Variants in MATN2 observed in about 807,000 individuals in gnomAD.
The protein encoded by MATN2 is matrilin-2.
A neutral mutation model predicts 103.2 loss-of-function variants in MATN2; 69 were observed. The ratio of observed to expected loss-of-function variants is 0.67; its 90% CI spans 0.55 to 0.82. The LOEUF (loss-of-function observed/expected upper bound fraction) is 0.82, where lower values mean the gene tolerates loss of function less well. MATN2 is among the 40% of genes least tolerant of loss of function. The pLI, the probability that MATN2 is intolerant of heterozygous loss-of-function variation, is 0.00. For synonymous variants in MATN2, 429 were observed against 450.2 expected, an observed-to-expected ratio of 0.95 and a Z score of 0.60; for missense variants, 1,023 against 1,211.5, an observed-to-expected ratio of 0.84 and a Z score of 2.31.
At chr8:98,004,299 AAAAGAAT>A (rs1441964804) in intron 8 of MATN2, 4 of 169,746 alleles carry the variant, frequency 2.4e-5, no homozygotes, top group African/African-American at 9.5e-5. Context: ...AAAAAAAAAA[AAAAGAAT>A]AGGAGTAAAA....
chr8:97,887,114 A>C (rs1818459761), intron 1 of MATN2, among the ~76,000 whole-genome samples: 1 of 151,354 alleles, frequency 6.6e-6, no homozygotes, highest in Non-Finnish European at 1.5e-5. Flanking sequence ...CTGGTCTCAA[A>C]CTCTTGGCCT....
chr8:98,019,082 ATCT>A (rs1813481153), intron 12 of MATN2, among the ~76,000 whole-genome samples: 1 of 147,798 alleles, frequency 6.8e-6, no homozygotes, highest in South Asian at 2.1e-4. Flanking sequence ...GGTCTGTTCT[ATCT>A]TCTATTTATA....
At position 97,923,564 on chromosome 8, in the gene MATN2, TC is replaced by T. The variant is rs59220420; in HGVS notation, c.143-7388del. The stretch of plus-strand genomic sequence containing the variant: ...CTCTCTCTCTCTCTCTCTCTGTCTC[TC>T]TTTTTTTTGAGACGGAGCCTTGCTT... On this transcript the variant is annotated intron_variant, in intron 2 of 18. Coordinates refer to ENST00000254898, the MANE Select transcript of MATN2 (RefSeq NM_002380.5). 9.0e-5 allele frequency among the ~76,000 whole-genome samples: 7 copies of T among 78,208 alleles called. No homozygotes were observed. The South Asian group carries it at 4.2e-3, about 46-fold the overall frequency. The allele number at this position is 78,208 out of a possible 152,430, so 51.3% of individuals were successfully genotyped here. A position where few individuals can be genotyped will look rare whatever the true frequency, so the allele number is the denominator to read the frequency against.
chr8:97,888,533 C>T (rs1026163643), intron 2 of MATN2, among the ~76,000 whole-genome samples: 1 of 152,268 alleles, frequency 6.6e-6, no homozygotes. Context: ...TGTTGTTGGA[C>T]CTATCTGAGC....
At chr8:97,924,993 TC>T (rs1388996873) in intron 2 of MATN2, among the ~76,000 whole-genome samples, 1 of 152,114 alleles carries the variant, frequency 6.6e-6, no homozygotes, top group Admixed American at 6.6e-5. Context: ...AAGAAAAAAC[TC>T]AACCAAATTA....
intron 7 of MATN2, among the ~76,000 whole-genome samples, chr8:98,002,923 T>C (rs1482298017): frequency 6.6e-6 from 1 of 152,060 alleles, no homozygotes; most frequent in African/African-American, 2.4e-5. Flanking sequence ...CCTTCACTGA[T>C]CCATCCTGGG....
chr8:97,958,639 A>G (rs62521956), intron 4 of MATN2, among the ~76,000 whole-genome samples: 28,368 of 152,084 alleles, frequency 0.19, 2,961 homozygotes, highest in East Asian at 0.37. Flanking sequence ...GAACTCAGAA[A>G]CCTACTGCTG....
intron 6 of MATN2, among the ~76,000 whole-genome samples, chr8:97,981,913 G>A (rs1812038646): frequency 6.6e-6 from 1 of 151,768 alleles, no homozygotes; most frequent in Non-Finnish European, 1.5e-5. Flanking sequence ...AGTGGGACTG[G>A]GAGAGGAGGT....
At position 98,027,579 on chromosome 8, in the gene MATN2, G is replaced by C; in HGVS notation, c.2106G>C (p.Gln702His). 1 of 1,613,862 alleles carries C rather than the reference G, an allele frequency of 6.2e-7. No individual in the cohort carries two copies. Among genetic ancestry groups the C allele is most frequent in the Non-Finnish European group, 8.5e-7 (1 of 1,179,842 alleles). The change falls in exon 14 of 19, where the codon CAG becomes CAC. Residue 702 changes from glutamine to histidine, a missense_variant. Transcript: ENST00000254898. ...TGGGGCTGCTCCAGTATTCCACACA[G>C]GTCCACACAGAGTTCACTCTGAGAA... ...ARVGLLQYSTQVHTEFTLRNF... is the reference protein window; with the variant it reads ...ARVGLLQYSTHVHTEFTLRNF...
At chr8:97,891,243 C>A (rs1451012024) in intron 2 of MATN2, among the ~76,000 whole-genome samples, 1 of 152,242 alleles carries the variant, frequency 6.6e-6, no homozygotes, top group African/African-American at 2.4e-5. Flanking sequence ...TATAGCTCAA[C>A]TCTGCCTGCT....
chr8:97,985,319 G>A (rs1487523998), intron 6 of MATN2, among the ~76,000 whole-genome samples: 1 of 152,116 alleles, frequency 6.6e-6, no homozygotes, highest in Non-Finnish European at 1.5e-5. Context: ...ACAGCACCAA[G>A]CTATTCATTA....
At chr8:97,873,908 G>A (rs1460168969) in intron 1 of MATN2, among the ~76,000 whole-genome samples, 1 of 152,108 alleles carries the variant, frequency 6.6e-6, no homozygotes, top group South Asian at 2.1e-4. Flanking sequence ...GATTATAGGC[G>A]TGAGGCACCA....
At chr8:97,943,403 G>GTCTCCTTCTCCT (rs57093769) in intron 4 of MATN2, among the ~76,000 whole-genome samples, 28 of 146,184 alleles carry the variant, frequency 1.9e-4, no homozygotes, top group African/African-American at 6.0e-4. Flanking sequence ...CTCCTTCTCT[G>GTCTCCTTCTCCT]TCTCCTTCTC....
Position 97,883,093 on chromosome 8 carries a change from C to CAGGAGTTCG in MATN2, c.-26-4979_-26-4971dup, listed in dbSNP as rs1416642432. On this transcript the variant is annotated intron_variant, in intron 1 of 18. Coordinates refer to ENST00000254898, the MANE Select transcript of MATN2 (RefSeq NM_002380.5). ...CCAAGGCAGGCAGATTGCCCGACGT[C>CAGGAGTTCG]AGGAGTTCGAGACTGGCCTGGCCGA... is the stretch of plus-strand genomic sequence containing the variant. Among the ~76,000 whole-genome samples, 5 of 152,130 alleles carry CAGGAGTTCG rather than the reference C, an allele frequency of 3.3e-5. No individual in the cohort carries two copies. In the East Asian group the frequency reaches 9.7e-4, roughly 30 times the overall value.
At chr8:97,898,088 A>G (rs1290695089) in intron 2 of MATN2, among the ~76,000 whole-genome samples, 2 of 151,816 alleles carry the variant, frequency 1.3e-5, no homozygotes, top group Admixed American at 6.6e-5. Context: ...CTTCAGTTCC[A>G]GGATGTTCTC....
intron 2 of MATN2, among the ~76,000 whole-genome samples, chr8:97,924,537 A>G (rs1449847358): frequency 6.6e-6 from 1 of 152,038 alleles, no homozygotes; most frequent in Admixed American, 6.6e-5. Flanking sequence ...ACAGCCCCTC[A>G]AAGATCGGTG....
chr8:97,943,757 C>T (rs1226544348), intron 4 of MATN2, among the ~76,000 whole-genome samples: 1 of 152,158 alleles, frequency 6.6e-6, no homozygotes, highest in Admixed American at 6.6e-5. Context: ...GCCTGGTGCC[C>T]TTCTCTTCTT....
chr8:97,954,819 A>T (rs1252398608), intron 4 of MATN2, among the ~76,000 whole-genome samples: 1 of 152,238 alleles, frequency 6.6e-6, no homozygotes, highest in Non-Finnish European at 1.5e-5. Context: ...CCTATGTGGC[A>T]GGTGAAATAG....
At chr8:97,923,371 C>T (rs1375491259) in intron 2 of MATN2, among the ~76,000 whole-genome samples, 1 of 152,138 alleles carries the variant, frequency 6.6e-6, no homozygotes, top group African/African-American at 2.4e-5. Context: ...ATTCCTAGTT[C>T]TAAGAACAAT....
Sources: gnomAD v4.1 joint callset for allele counts (sites outside exome capture counted in the v4.1 genomes callset) on GRCh38, gnomAD v4.1.1 for gene constraint, MANE v1.5 for transcripts, NCBI Gene and HGNC (gene_info 2026-07-23, HGNC 2026-07-21) for gene names.